The following CRAMP1 variants were observed in gnomAD, a reference collection of about 807,000 sequenced individuals.
CRAMP1 encodes the protein cramped chromatin regulator 1, also known as protein cramped-like.
A neutral mutation model predicts 115.4 loss-of-function variants in CRAMP1; 50 were observed. The ratio of observed to expected loss-of-function variants is 0.43; its 90% CI spans 0.35 to 0.55. The LOEUF (loss-of-function observed/expected upper bound fraction) is 0.55. Among genes scored for constraint, CRAMP1 ranks in the 20% least tolerant of loss-of-function variants. CRAMP1 has a pLI of 0.01. For missense variants in CRAMP1, 1,679 were observed against 1,721.7 expected (o/e 0.98, Z 0.44); for synonymous variants, 866 against 745.4 (o/e 1.16, Z -2.64).
At chr16:1,624,578 C>A (rs1038115059) in intron 2 of CRAMP1, among the ~76,000 whole-genome samples, 5 of 151,482 alleles carry the variant, frequency 3.3e-5, no homozygotes, top group African/African-American at 7.3e-5. Flanking sequence ...ACCACCACAC[C>A]TGGCTAATTT....
At chr16:1,653,943 C>T (rs1488221266) in intron 8 of CRAMP1, among the ~76,000 whole-genome samples, 2 of 151,650 alleles carry the variant, frequency 1.3e-5, no homozygotes, top group Non-Finnish European at 2.9e-5. Context: ...AGTTTGAGAC[C>T]AGCCTGGCCA....
chr16:1,615,284 T>C (rs1042353934), intron 2 of CRAMP1, among the ~76,000 whole-genome samples: 9 of 152,228 alleles, frequency 5.9e-5, no homozygotes, highest in Non-Finnish European at 1.3e-4. Flanking sequence ...TTCTATGGTT[T>C]TGTGTTTCAA....
intron 2 of CRAMP1, among the ~76,000 whole-genome samples, chr16:1,616,029 GA>G (rs1200710346): frequency 2.0e-5 from 3 of 152,184 alleles, no homozygotes; most frequent in African/African-American, 7.2e-5. Flanking sequence ...ATTCTCAACC[GA>G]AGAAGGCTGG....
At chr16:1,629,274 C>A (rs1409712150) in intron 3 of CRAMP1, among the ~76,000 whole-genome samples, 3 of 152,242 alleles carry the variant, frequency 2.0e-5, no homozygotes, top group African/African-American at 7.2e-5. Flanking sequence ...CCTAGGCCCT[C>A]CCTGTCTCTG....
At chr16:1,632,003 G>A (rs1001032604) in intron 3 of CRAMP1, among the ~76,000 whole-genome samples, 2 of 152,126 alleles carry the variant, frequency 1.3e-5, no homozygotes, top group Admixed American at 1.3e-4. Context: ...TTCTGTTCCT[G>A]GTTCCATTGC....
chr16:1,659,801 T>C, intron 10 of CRAMP1, 85 bp from the exon 11 acceptor site: 1 of 1,300,474 alleles, frequency 7.7e-7, no homozygotes, highest in Non-Finnish European at 1.1e-6. Flanking sequence ...GCTCGATGAT[T>C]TTCTTGTGCC....
At chr16:1,657,440 TGAGGCCTG>T (rs1050415524) in intron 10 of CRAMP1, among the ~76,000 whole-genome samples, 22 of 152,056 alleles carry the variant, frequency 1.4e-4, no homozygotes, top group Non-Finnish European at 1.0e-4. Context: ...GGTGACAGAG[TGAGGCCTG>T]GAGCCGAGCT....
At chr16:1,663,400 T>G (rs777468948) in intron 13 of CRAMP1, among the ~76,000 whole-genome samples, 11 of 151,996 alleles carry the variant, frequency 7.2e-5, no homozygotes, top group Non-Finnish European at 1.5e-4. Context: ...GTTAGACTCT[T>G]AGAAATCTCT....
intron 11 of CRAMP1, 154 bp from the exon 12 acceptor site, chr16:1,662,336 T>C (rs1013237554): frequency 6.0e-5 from 38 of 632,652 alleles, no homozygotes; most frequent in Middle Eastern, 2.7e-4. Flanking sequence ...AATCAGTCTT[T>C]ATGTGGGACT....
intron 4 of CRAMP1, among the ~76,000 whole-genome samples, chr16:1,637,606 A>G (rs926577031): frequency 1.3e-5 from 2 of 152,180 alleles, no homozygotes; most frequent in African/African-American, 4.8e-5. Context: ...GTAAATTTCT[A>G]ACGCCCCACT....
At chr16:1,615,891 G>A (rs2036414847) in intron 2 of CRAMP1, among the ~76,000 whole-genome samples, 1 of 152,156 alleles carries the variant, frequency 6.6e-6, no homozygotes, top group African/African-American at 2.4e-5. Context: ...CCTTCCTTGG[G>A]AAATGCTCGT....
chr16:1,662,643 C>T lies in CRAMP1; in HGVS notation c.2567C>T (p.Thr856Ile), dbSNP rs1466450946. ...LFSPSKEAEL[T>I]FRQHLNSISM... Reference sequence around the variant, plus strand: ...TCTCCCAGTAAAGAAGCAGAGCTGACTTTCCGCCAGCATCTGAACTCCATC... The same window carrying T: ...TCTCCCAGTAAAGAAGCAGAGCTGATTTTCCGCCAGCATCTGAACTCCATC... The change falls in exon 12 of 21, where the codon ACT becomes ATT. Residue 856 changes from threonine (T) to isoleucine (I), a missense_variant. Physicochemically the swap from Thr to Ile is moderately conservative, Grantham distance 89 (BLOSUM62 -1). This residue lies in a region of CRAMP1 where 709 missense variants were observed against 741.9 expected (regional missense o/e 0.96). Coordinates refer to ENST00000397412, the MANE Select transcript of CRAMP1 (RefSeq NM_020825.4). 1 of 1,613,940 alleles carries T rather than the reference C, an allele frequency of 6.2e-7. No individual in the cohort carries two copies. The highest frequency in any genetic ancestry group is 1.3e-5 in the African/African-American group (1 of 74,950).
intron 18 of CRAMP1, among the ~76,000 whole-genome samples, 199 bp from the exon 19 acceptor site, chr16:1,668,802 C>T (rs1351402238): frequency 1.3e-5 from 2 of 152,208 alleles, no homozygotes; most frequent in South Asian, 2.1e-4. Context: ...CTGCCGTCGC[C>T]TTCACTCCGC....
At chr16:1,648,604 C>CAA (rs1006289902) in intron 6 of CRAMP1, among the ~76,000 whole-genome samples, 7 of 108,402 alleles carry the variant, frequency 6.5e-5, no homozygotes, top group Admixed American at 5.9e-4. Flanking sequence ...GACTCTGTCT[C>CAA]AAAAAAAAAA....
chr16:1,674,235 T>C lies in CRAMP1; in HGVS notation c.*190T>C, dbSNP rs2036948198. On this transcript the variant is annotated 3_prime_UTR_variant, in exon 21 of 21. Coordinates refer to ENST00000397412, the MANE Select transcript of CRAMP1 (RefSeq NM_020825.4). ...CGTCCAAGGAGACTAGGATGAGTTC[T>C]TGGCAAGGGCCAGCGTTAGAAATCA... 6.6e-6 allele frequency: 4 copies of C among 610,640 alleles called. No individual in the cohort carries two copies. The South Asian group carries it at 8.0e-5, about 12-fold the overall frequency. 37.8% of individuals were successfully genotyped at this position (610,640 alleles called of 1,614,324 possible).
At chr16:1,615,076 C>G in intron 2 of CRAMP1, 91 bp downstream of exon 2, 2 of 744,494 alleles carry the variant, frequency 2.7e-6, no homozygotes, top group Non-Finnish European at 3.7e-6. Context: ...GGGCTCCACC[C>G]TAGCTCACCC....
intron 5 of CRAMP1, among the ~76,000 whole-genome samples, chr16:1,638,766 G>A (rs1429406868): frequency 2.6e-5 from 4 of 152,116 alleles, no homozygotes; most frequent in Non-Finnish European, 4.4e-5. Flanking sequence ...CAGATACGGA[G>A]CAGTCGCCCT....
chr16:1,656,694 C>T lies in CRAMP1; in HGVS notation c.1937C>T (p.Pro646Leu). The T allele has an allele frequency of 6.4e-7, 1 of 1,561,898 alleles. No homozygotes were observed. The highest frequency in any genetic ancestry group is 8.7e-7 in the Non-Finnish European group (1 of 1,154,190). ...PAEELQEKGSPAGPPPSQGQP... is the reference protein window; with the variant it reads ...PAEELQEKGSLAGPPPSQGQP... ...GAGGAGCTCCAGGAGAAGGGGAGCC[C>T]CGCGGGGCCTCCGCCGTCTCAGGGA... The change falls in exon 10 of 21, where the codon CCC becomes CTC. Residue 646 changes from proline (P) to leucine (L), a missense_variant. Coordinates refer to ENST00000397412, the MANE Select transcript of CRAMP1 (RefSeq NM_020825.4). This position sits in a 1 kb window ranked among gnomAD's most constrained non-coding sequence, Gnocchi z 5.6.
At chr16:1,630,988 C>G (rs1014145270) in intron 3 of CRAMP1, among the ~76,000 whole-genome samples, 2 of 152,192 alleles carry the variant, frequency 1.3e-5, no homozygotes, top group African/African-American at 4.8e-5. Flanking sequence ...CAGGTCTCAC[C>G]GTGGCTGGGT....
Sources: gnomAD v4.1 joint callset for allele counts (sites outside exome capture counted in the v4.1 genomes callset) on GRCh38, gnomAD v4.1.1 for gene constraint, gnomAD v4.1.1 regional missense constraint, Gnocchi (gnomAD v3.1) non-coding constraint, MANE v1.5 for transcripts, NCBI Gene and HGNC (gene_info 2026-07-23, HGNC 2026-07-21) for gene names.